Variants in OTUD7A observed in about 807,000 individuals in gnomAD.
OTUD7A encodes the protein OTU deubiquitinase 7A, also known as OTU domain-containing protein 7A.
OTUD7A carries 12 observed loss-of-function variants against 65.7 expected under a neutral mutation model. That is an observed-to-expected ratio of 0.18 (90% confidence interval 0.12 to 0.30). The LOEUF (loss-of-function observed/expected upper bound fraction) is 0.30. Ranked by LOEUF, OTUD7A falls within the 10% of genes least tolerant of loss-of-function variation. The pLI is 1.00. For synonymous variants in OTUD7A, 641 were observed against 586.3 expected, an observed-to-expected ratio of 1.09 and a Z score of -1.35; for missense variants, 1,148 against 1,304.8, an observed-to-expected ratio of 0.88 and a Z score of 1.85.
chr15:31,780,888 A>G (rs1319363244), intron 1 of OTUD7A, among the ~76,000 whole-genome samples: 3 of 152,224 alleles, frequency 2.0e-5, no homozygotes, highest in Non-Finnish European at 4.4e-5. Flanking sequence ...GCTTCTGTCA[A>G]CTTTCCACAG....
intron 1 of OTUD7A, among the ~76,000 whole-genome samples, chr15:31,696,358 A>G (rs1893083280): frequency 7.8e-6 from 1 of 127,932 alleles, no homozygotes; most frequent in African/African-American, 2.7e-5. Context: ...CTGAAGGGAG[A>G]GGGTCTCTGC....
In OTUD7A at chr15:31,733,418, C is replaced by CT. The variant is rs200637547; in HGVS notation, c.-99-76342dup. On this transcript the variant is annotated intron_variant, in intron 1 of 12. Coordinates refer to ENST00000307050, the MANE Select transcript of OTUD7A (RefSeq NM_001382637.1). Reference sequence around the variant, plus strand: ...AAGCTGTTTCTTCTGCCTGGGTGTTCTTTCCACCCTCTACCTCCTCTACCC... The same window carrying CT: ...AAGCTGTTTCTTCTGCCTGGGTGTTCTTTTCCACCCTCTACCTCCTCTACCC... 6.3e-3 allele frequency among the ~76,000 whole-genome samples: 965 copies of CT among 152,296 alleles called. 9 individuals carry two copies. The highest frequency in any genetic ancestry group is 0.021 in the African/African-American group (876 of 41,562).
chr15:31,774,804 A>T (rs946467280), intron 1 of OTUD7A, among the ~76,000 whole-genome samples: 6 of 152,112 alleles, frequency 3.9e-5, no homozygotes, highest in Non-Finnish European at 7.3e-5. Flanking sequence ...CATAACAGCA[A>T]AAGCTTATAA....
Position 31,565,859 on chromosome 15 carries a change from G to T in OTUD7A, c.331+4159C>A, listed in dbSNP as rs118030436. Among the ~76,000 whole-genome samples the T allele has an allele frequency of 2.7e-3, 404 of 152,276 alleles. 2 individuals are homozygous for T. The highest frequency in any genetic ancestry group is 2.8e-3 in the Non-Finnish European group (188 of 68,018). On this transcript the variant is annotated intron_variant, in intron 4 of 12. Coordinates refer to ENST00000307050, the MANE Select transcript of OTUD7A (RefSeq NM_001382637.1). ...TTGCTATTTACAAAAATTTCAAATT[G>T]ATGAAAAGACTCAAAGAACAAAATT... is the stretch of plus-strand genomic sequence containing the variant.
At chr15:31,504,399 C>T (rs1363817727) in intron 8 of OTUD7A, among the ~76,000 whole-genome samples, 2 of 152,226 alleles carry the variant, frequency 1.3e-5, no homozygotes, top group South Asian at 4.1e-4. Context: ...GGCCCAGACC[C>T]TCCCTGACCA....
chr15:31,770,980 C>A (rs1487627696), intron 1 of OTUD7A, among the ~76,000 whole-genome samples: 1 of 152,176 alleles, frequency 6.6e-6, no homozygotes, highest in Non-Finnish European at 1.5e-5. Flanking sequence ...ATGCTCTGCA[C>A]CTACGATCAA....
chr15:31,527,669 A>G (rs2042032986), intron 6 of OTUD7A, among the ~76,000 whole-genome samples: 1 of 152,220 alleles, frequency 6.6e-6, no homozygotes, highest in Admixed American at 6.5e-5. Context: ...GGGGACAGGG[A>G]CAGGCTGTCC....
At chr15:31,684,080 G>C (rs561682596) in intron 1 of OTUD7A, among the ~76,000 whole-genome samples, 1 of 152,202 alleles carries the variant, frequency 6.6e-6, no homozygotes, top group African/African-American at 2.4e-5. Context: ...CAAAGAAAAC[G>C]ATTTTGCTAC....
At chr15:31,616,999 T>A (rs1336760558) in intron 3 of OTUD7A, among the ~76,000 whole-genome samples, 4 of 151,946 alleles carry the variant, frequency 2.6e-5, no homozygotes, top group Admixed American at 6.6e-5. Context: ...AAATAGCAAA[T>A]TTAACCAACA....
In OTUD7A at chr15:31,487,551, G is replaced by A. The variant is rs540936484; in HGVS notation, c.1187C>T (p.Thr396Met). The change falls in exon 11 of 13, where the codon ACG becomes ATG. Residue 396 changes from threonine (T) to methionine (M), a missense_variant. Transcript: ENST00000307050. This position sits in a 1 kb window ranked among gnomAD's most constrained non-coding sequence, Gnocchi z 6.0. ...QQREQAVIPLTDSEHKLLPLH... is the reference protein window; with the variant it reads ...QQREQAVIPLMDSEHKLLPLH... ...AGGCAGCAGCTTGTGCTCAGAATCC[G>A]TCAGGGGGATCACGGCTGGAACAGA... The A allele has an allele frequency of 1.3e-5, 21 of 1,613,588 alleles. No homozygotes were observed. Among genetic ancestry groups the A allele is most frequent in the African/African-American group, 8.0e-5 (6 of 74,892 alleles).
intron 1 of OTUD7A, among the ~76,000 whole-genome samples, chr15:31,703,105 C>A (rs1893250966): frequency 6.6e-6 from 1 of 152,124 alleles, no homozygotes; most frequent in South Asian, 2.1e-4. Context: ...TAAAAATTAA[C>A]TTAAAATGGA....
intron 1 of OTUD7A, among the ~76,000 whole-genome samples, chr15:31,658,846 G>A (rs1312192646): frequency 6.6e-6 from 1 of 150,596 alleles, no homozygotes; most frequent in Non-Finnish European, 1.5e-5. Context: ...TGGCCAACAT[G>A]GTGAAACCCC....
intron 10 of OTUD7A, among the ~76,000 whole-genome samples, chr15:31,496,331 C>T (rs973358974): frequency 1.3e-5 from 2 of 151,830 alleles, no homozygotes; most frequent in Non-Finnish European, 2.9e-5. Context: ...ATGCCATTCT[C>T]CTGCCTCAGC....
chr15:31,721,126 G>A (rs1402424823), intron 1 of OTUD7A, among the ~76,000 whole-genome samples: 12 of 152,234 alleles, frequency 7.9e-5, no homozygotes, highest in African/African-American at 1.9e-4. Context: ...TCACCTAAAC[G>A]TATTTCTCGG....
chr15:31,542,458 ATAAG>A (rs1373925573), intron 5 of OTUD7A, among the ~76,000 whole-genome samples: 5 of 152,154 alleles, frequency 3.3e-5, no homozygotes, highest in South Asian at 2.1e-4. Flanking sequence ...ACATTTGAAG[ATAAG>A]TAAGAAGCAA....
At chr15:31,548,074 C>T (rs2141142266) in intron 5 of OTUD7A, among the ~76,000 whole-genome samples, 1 of 152,306 alleles carries the variant, frequency 6.6e-6, no homozygotes, top group South Asian at 2.1e-4. Flanking sequence ...GTACCATATA[C>T]TCCTAAAAAT....
intron 3 of OTUD7A, among the ~76,000 whole-genome samples, chr15:31,617,583 T>C (rs1286847880): frequency 2.6e-5 from 4 of 152,108 alleles, no homozygotes; most frequent in African/African-American, 7.2e-5. Context: ...CACAGGAATA[T>C]ATACTGCATG....
chr15:31,532,522 AAAATT>A (rs1887660497), intron 5 of OTUD7A, among the ~76,000 whole-genome samples: 1 of 133,516 alleles, frequency 7.5e-6, no homozygotes, highest in Non-Finnish European at 1.7e-5. Flanking sequence ...ACAACAGAGA[AAAATT>A]AAACTTAAAA....
At position 31,547,124 on chromosome 15, in the gene OTUD7A, T is replaced by C. The variant is rs79010198; in HGVS notation, c.550+11845A>G. 3.1e-3 allele frequency among the ~76,000 whole-genome samples: 470 copies of C among 152,358 alleles called. 11 individuals are homozygous for C. In the East Asian group the frequency reaches 0.073, roughly 24 times the overall value. The stretch of plus-strand genomic sequence containing the variant: ...AGCTGGAAGCTGCTTGAACCTGAGA[T>C]GACATTTTGAAGGCAAAGAAAGGAT... On this transcript the variant is annotated intron_variant, in intron 5 of 12. Transcript: ENST00000307050.
Sources: gnomAD v4.1 joint callset for allele counts (sites outside exome capture counted in the v4.1 genomes callset) on GRCh38, gnomAD v4.1.1 for gene constraint, Gnocchi (gnomAD v3.1) non-coding constraint, MANE v1.5 for transcripts, NCBI Gene and HGNC (gene_info 2026-07-23, HGNC 2026-07-21) for gene names.